SLC7A1: variants seen among roughly 807,000 people sequenced by gnomAD.
SLC7A1 encodes the protein high affinity cationic amino acid transporter 1.
SLC7A1 carries 10 observed loss-of-function variants against 53.9 expected under a neutral mutation model. The observed-to-expected ratio is 0.19, with a 90% CI of 0.11 to 0.31. SLC7A1 has a LOEUF of 0.31. SLC7A1 is among the 10% of genes least tolerant of loss of function. The pLI, the probability that SLC7A1 is intolerant of heterozygous loss-of-function variation, is 1.00. For synonymous variants in SLC7A1, 342 were observed against 338.7 expected, an observed-to-expected ratio of 1.01 and a Z score of -0.11; for missense variants, 525 against 827.2, an observed-to-expected ratio of 0.63 and a Z score of 4.48.
chr13:29,524,621 T>C (rs953255017), intron 5 of SLC7A1, among the ~76,000 whole-genome samples: 2 of 152,252 alleles, frequency 1.3e-5, no homozygotes, highest in South Asian at 4.1e-4. Flanking sequence ...GGAGGAAGGA[T>C]GCAGAGCCGC....
intron 1 of SLC7A1, among the ~76,000 whole-genome samples, chr13:29,593,642 A>C (rs1200286177): frequency 6.6e-6 from 1 of 152,220 alleles, no homozygotes; most frequent in Non-Finnish European, 1.5e-5. Context: ...ACTTTGGTTA[A>C]AATAAACTAC....
intron 8 of SLC7A1, 136 bp downstream of exon 8, chr13:29,522,181 G>C (rs1334475680): frequency 5.6e-6 from 5 of 900,346 alleles, no homozygotes; most frequent in South Asian, 3.4e-5. Context: ...AATGAACCAG[G>C]CTCCAAGTAT....
intron 2 of SLC7A1, among the ~76,000 whole-genome samples, chr13:29,538,872 C>T (rs184574676): frequency 3.3e-5 from 5 of 152,186 alleles, no homozygotes; most frequent in Admixed American, 6.5e-5. Flanking sequence ...GTAGACGGAG[C>T]CTTGAAGAGA....
At chr13:29,529,045 C>A (rs1440774624) in intron 5 of SLC7A1, among the ~76,000 whole-genome samples, 1 of 152,158 alleles carries the variant, frequency 6.6e-6, no homozygotes, top group Admixed American at 6.5e-5. Context: ...AAAGGCTACA[C>A]GTTACTTCAA....
At chr13:29,514,674 C>A (rs1180100155) in intron 12 of SLC7A1, 91 bp from the exon 13 acceptor site, 28 of 952,560 alleles carry the variant, frequency 2.9e-5, no homozygotes, top group Non-Finnish European at 4.3e-5. Flanking sequence ...CCACAGCAAA[C>A]CCTCTCAGGC....
In SLC7A1 at chr13:29,536,191, T is replaced by C. The variant is rs1869411208; in HGVS notation, c.-3A>G. 6.2e-7 allele frequency: 1 copy of C among 1,611,418 alleles called. No homozygotes were observed. ...TTGAGCAGGACTTTGCACCCCATGT[T>C]GCTGTTCAGAGCTGTTGAAAAAGAA... On this transcript the variant is annotated 5_prime_UTR_variant, in exon 3 of 13. Coordinates refer to ENST00000380752, the MANE Select transcript of SLC7A1 (RefSeq NM_003045.5).
rs78247041 is a variant in SLC7A1, at chr13:29,591,856, G to A, written c.-115+3560C>T. Reference sequence around the variant, plus strand: ...CCACGGTCAGAAATTTTTGGTTGCCGTGGTCAGAATTGCAGGCTGCTAACA... The same window carrying A: ...CCACGGTCAGAAATTTTTGGTTGCCATGGTCAGAATTGCAGGCTGCTAACA... On this transcript the variant is annotated intron_variant, in intron 1 of 12. Transcript: ENST00000380752. 4.3e-3 allele frequency among the ~76,000 whole-genome samples: 658 copies of A among 152,306 alleles called. 7 individuals carry two copies. Among genetic ancestry groups the A allele is most frequent in the African/African-American group, 0.015 (611 of 41,568 alleles).
At chr13:29,550,106 C>T (rs887315203) in intron 2 of SLC7A1, among the ~76,000 whole-genome samples, 2 of 152,202 alleles carry the variant, frequency 1.3e-5, no homozygotes, top group African/African-American at 4.8e-5. Flanking sequence ...ACTGACATGC[C>T]AGTCATCTGA....
intron 2 of SLC7A1, among the ~76,000 whole-genome samples, chr13:29,536,495 G>A (rs1018679): frequency 0.74 from 112,367 of 152,058 alleles, 42,897 homozygotes; most frequent in Non-Finnish European, 0.85. Context: ...TCTTCCATGG[G>A]TGGAAATTAT....
chr13:29,586,324 C>A (rs1404417792), intron 1 of SLC7A1, among the ~76,000 whole-genome samples: 1 of 152,224 alleles, frequency 6.6e-6, no homozygotes, highest in African/African-American at 2.4e-5. Flanking sequence ...TACAGTTTTA[C>A]TAATTATAAG....
intron 3 of SLC7A1, 55 bp downstream of exon 3, chr13:29,535,764 T>C: frequency 6.4e-7 from 1 of 1,563,626 alleles, no homozygotes; most frequent in Non-Finnish European, 8.7e-7. Context: ...ACTTTGGAGG[T>C]GGGAACAAAC....
chr13:29,584,364 C>G (rs1016497437), intron 1 of SLC7A1, among the ~76,000 whole-genome samples: 76 of 152,152 alleles, frequency 5.0e-4, no homozygotes, highest in African/African-American at 1.8e-3. Flanking sequence ...CCAGGCTGGT[C>G]TCAAACTCCT....
chr13:29,517,731 T>C lies in SLC7A1; in HGVS notation c.1352A>G (p.Asp451Gly). The change falls in exon 10 of 13, where the codon GAT (aspartate) becomes GGT (glycine). Residue 451 changes from aspartate (D) to glycine (G), a missense_variant. By Grantham distance (94) the Asp-to-Gly change is moderately conservative (BLOSUM62 -1). This residue lies in a region of SLC7A1 where 122 missense variants were observed against 140.9 expected (regional missense o/e 0.87). Transcript: ENST00000380752. ...TGCCAATTCATTTTGGTCTGCTGGA[T>C]CTAACTCGTCGGAAGTACTGGCCAT... Reference protein sequence around the residue: ...YQMASTSDELDPADQNELAST... With the variant: ...YQMASTSDELGPADQNELAST... 2 of 1,614,206 alleles carry C rather than the reference T, an allele frequency of 1.2e-6. No individual in the cohort carries two copies. The highest frequency in any genetic ancestry group is 1.7e-6 in the Non-Finnish European group (2 of 1,180,040).
chr13:29,563,606 C>G (rs574970840), intron 1 of SLC7A1, among the ~76,000 whole-genome samples: 4 of 152,294 alleles, frequency 2.6e-5, no homozygotes, highest in Admixed American at 1.3e-4. Flanking sequence ...AATCCAGGCT[C>G]TGGTTTCTAA....
intron 1 of SLC7A1, among the ~76,000 whole-genome samples, chr13:29,594,074 T>G (rs1872211176): frequency 6.6e-6 from 1 of 152,240 alleles, no homozygotes; most frequent in African/African-American, 2.4e-5. Context: ...ATCATGGTAA[T>G]TTCCACTGAG....
At chr13:29,586,343 T>A (rs1871883600) in intron 1 of SLC7A1, among the ~76,000 whole-genome samples, 1 of 152,270 alleles carries the variant, frequency 6.6e-6, no homozygotes, top group African/African-American at 2.4e-5. Flanking sequence ...AGAATAGTCA[T>A]TCAATAAATA....
chr13:29,523,534 A>T, intron 6 of SLC7A1, 46 bp from the exon 7 acceptor site: 1 of 1,417,850 alleles, frequency 7.1e-7, no homozygotes, highest in Non-Finnish European at 9.9e-7. Context: ...AGCAAGAGGC[A>T]GTGTATCTGC....
intron 1 of SLC7A1, among the ~76,000 whole-genome samples, chr13:29,562,781 CA>C (rs1357483508): frequency 6.6e-6 from 1 of 152,216 alleles, no homozygotes; most frequent in Non-Finnish European, 1.5e-5. Context: ...AAAGACCACA[CA>C]ATCTATATAA....
intron 2 of SLC7A1, among the ~76,000 whole-genome samples, chr13:29,546,078 T>G (rs1370626681): frequency 6.6e-6 from 1 of 152,208 alleles, no homozygotes; most frequent in African/African-American, 2.4e-5. Flanking sequence ...ACACGTGCCT[T>G]TTCATCACAC....
Sources: gnomAD v4.1 joint callset for allele counts (sites outside exome capture counted in the v4.1 genomes callset) on GRCh38, gnomAD v4.1.1 for gene constraint, gnomAD v4.1.1 regional missense constraint, MANE v1.5 for transcripts, NCBI Gene and HGNC (gene_info 2026-07-23, HGNC 2026-07-21) for gene names.